The following ADGRE3 variants were observed in gnomAD, a reference collection of about 807,000 sequenced individuals.
ADGRE3 encodes the protein EGF-like module receptor 3.
In ADGRE3, 88 loss-of-function variants were observed where a neutral mutation model predicts 80.1. The observed-to-expected ratio is 1.10, with a 90% CI of 0.93 to 1.31. ADGRE3 has a LOEUF of 1.31. Ranked by LOEUF, ADGRE3 falls within the 40% of genes most tolerant of loss-of-function variation. The pLI is 0.00. For missense variants in ADGRE3, 715 were observed against 776.5 expected (o/e 0.92, Z 0.94); for synonymous variants, 281 against 294.8 (o/e 0.95, Z 0.48).
the ADGRE3 span, among the ~76,000 whole-genome samples, chr19:14,607,494 CG>C: frequency 6.6e-6 from 1 of 151,512 alleles, no homozygotes; most frequent in Non-Finnish European, 1.5e-5. Context: ...TGAGCCACCG[CG>C]CCCGGCCAGG....
chr19:14,651,793 G>A (rs1446891160), intron 6 of ADGRE3, among the ~76,000 whole-genome samples: 4 of 152,140 alleles, frequency 2.6e-5, no homozygotes, highest in Non-Finnish European at 2.9e-5. Flanking sequence ...TGTAATCCCA[G>A]CACTTTGGGA....
At chr19:14,633,338 C>T (rs763926645) in intron 11 of ADGRE3, 36 bp from the exon 12 acceptor site, 35 of 1,504,326 alleles carry the variant, frequency 2.3e-5, no homozygotes, top group Non-Finnish European at 3.0e-5. Context: ...AAAGAGAGAT[C>T]AGAGAAAGTG....
downstream of ADGRE3, among the ~76,000 whole-genome samples, chr19:14,616,149 C>G (rs1183409472): frequency 6.6e-6 from 1 of 151,954 alleles, no homozygotes; most frequent in Non-Finnish European, 1.5e-5. Flanking sequence ...CCAGGCTGGT[C>G]TTGAACTCCT....
rs541082224 is a variant in ADGRE3, at chr19:14,626,980, C to T, written c.1813-1381G>A. On this transcript the variant is annotated intron_variant, in intron 14 of 15. Coordinates refer to ENST00000253673, the MANE Select transcript of ADGRE3 (RefSeq NM_032571.5). ...CAGGCACAGTCATGGGTGTTTGCAACAAGCAACTCCAGGCATGTAGAGACA... is the reference window on the plus strand; with the variant it reads ...CAGGCACAGTCATGGGTGTTTGCAATAAGCAACTCCAGGCATGTAGAGACA... Among the ~76,000 whole-genome samples, 46 of 152,288 alleles carry T rather than the reference C, an allele frequency of 3.0e-4. No individual in the cohort carries two copies. In the South Asian group the frequency reaches 8.9e-3, roughly 29 times the overall value.
intron 14 of ADGRE3, among the ~76,000 whole-genome samples, chr19:14,629,192 G>A (rs1033239840): frequency 6.6e-6 from 1 of 152,182 alleles, no homozygotes; most frequent in African/African-American, 2.4e-5. Context: ...CCAAAGTGCT[G>A]GGATTACAGG....
At chr19:14,662,827 G>A (rs1248403996) in intron 3 of ADGRE3, among the ~76,000 whole-genome samples, 1 of 150,322 alleles carries the variant, frequency 6.7e-6, no homozygotes, top group Non-Finnish European at 1.5e-5. Flanking sequence ...AGCACTTTGG[G>A]AGGCCGAGGC....
chr19:14,617,359 T>C (rs2075085397), downstream of ADGRE3, among the ~76,000 whole-genome samples: 1 of 114,776 alleles, frequency 8.7e-6, no homozygotes, highest in African/African-American at 3.3e-5. Flanking sequence ...TCTTTCTTTC[T>C]TTCTTTCTTT....
intron 7 of ADGRE3, among the ~76,000 whole-genome samples, chr19:14,650,653 C>T (rs1034041245): frequency 3.0e-5 from 2 of 67,680 alleles, no homozygotes; most frequent in Admixed American, 1.2e-4. Context: ...CTCTCTCTCT[C>T]TCTCTCTCTC....
chr19:14,610,286 GA>G, the ADGRE3 span: 1 of 1,503,172 alleles, frequency 6.7e-7, no homozygotes, highest in Non-Finnish European at 8.9e-7. Context: ...GCCTCTTCGT[GA>G]GTGGACACAC....
intron 9 of ADGRE3, among the ~76,000 whole-genome samples, chr19:14,641,973 T>A (rs763981598): frequency 6.6e-6 from 1 of 152,172 alleles, no homozygotes; most frequent in African/African-American, 2.4e-5. Flanking sequence ...TTGATGAGTT[T>A]GGACATATGA....
Position 14,658,525 on chromosome 19 carries a change from C to T in ADGRE3, c.381G>A (p.Glu127=). The change falls in exon 5 of 16, where the codon GAG becomes GAA. Residue 127 remains glutamate (E), a synonymous_variant. Coordinates refer to ENST00000253673, the MANE Select transcript of ADGRE3 (RefSeq NM_032571.5). ...CQDTTSSKTT[E]GRKELQKIVD... ...AGCCTCCACTCACCTCTTTCCTGCC[C>T]TCGGTTGTCTTTGAGGAGGTGGTGT... The T allele has an allele frequency of 3.8e-6, 6 of 1,569,326 alleles. No individual in the cohort carries two copies. The highest frequency in any genetic ancestry group is 5.2e-6 in the Non-Finnish European group (6 of 1,157,512).
intron 1 of ADGRE3, among the ~76,000 whole-genome samples, chr19:14,673,948 A>T (rs2146920994): frequency 6.6e-6 from 1 of 152,236 alleles, no homozygotes; most frequent in South Asian, 2.1e-4. Flanking sequence ...TGTCCACATT[A>T]TTTAGCTCCC....
chr19:14,620,537 T>TATGACTATATATGAA (rs1415988959), intron 15 of ADGRE3, among the ~76,000 whole-genome samples: 3 of 18,448 alleles, frequency 1.6e-4, no homozygotes, highest in Non-Finnish European at 2.7e-4. Flanking sequence ...TATATATATT[T>TATGACTATATATGAA]TATATATATA....
chr19:14,658,466 C>A lies in ADGRE3; in HGVS notation c.393+47G>T, dbSNP rs149441896. 5.8e-4 allele frequency: 840 copies of A among 1,458,912 alleles called. 5 individuals are homozygous for A. The African/African-American group carries it at 0.011, about 19-fold the overall frequency. 90.4% of individuals were successfully genotyped at this position (1,458,912 alleles called of 1,614,324 possible). On this transcript the variant is annotated intron_variant, in intron 5 of 15. Transcript: ENST00000253673. ...CTTTGGGCTTTGTAAATATTTGTTA[C>A]TGATGTTTGTTACCTGGGAAGGGTC...
At chr19:14,657,787 G>A (rs866652663) in intron 5 of ADGRE3, among the ~76,000 whole-genome samples, 10 of 150,600 alleles carry the variant, frequency 6.6e-5, no homozygotes, top group Middle Eastern at 3.4e-3. Flanking sequence ...TTTTTGAGAC[G>A]GAGTCTTGCT....
intron 2 of ADGRE3, among the ~76,000 whole-genome samples, chr19:14,664,393 C>A (rs771013928): frequency 2.0e-5 from 3 of 151,996 alleles, no homozygotes; most frequent in Non-Finnish European, 4.4e-5. Flanking sequence ...GCCGAGATCG[C>A]GCCATTGTGA....
At chr19:14,674,364 A>C (rs1165053935) in intron 1 of ADGRE3, among the ~76,000 whole-genome samples, 1 of 151,800 alleles carries the variant, frequency 6.6e-6, no homozygotes, top group Non-Finnish European at 1.5e-5. Flanking sequence ...AGGTGTGGTG[A>C]TGTGTGCCTG....
downstream of ADGRE3, among the ~76,000 whole-genome samples, chr19:14,617,377 C>CTTTCTTTCTTCCTTT (rs1491527496): frequency 2.5e-3 from 217 of 86,334 alleles, 1 homozygote; most frequent in Non-Finnish European, 4.2e-3. Flanking sequence ...TTTCTTTCTT[C>CTTTCTTTCTTCCTTT]CTTTCTTTCT....
chr19:14,612,634 C>T, the ADGRE3 span, among the ~76,000 whole-genome samples: 2 of 152,110 alleles, frequency 1.3e-5, no homozygotes, highest in African/African-American at 4.8e-5. Flanking sequence ...TGTGCTGGGC[C>T]TACAACGACC....
Sources: allele counts gnomAD v4.1 joint callset (sites outside exome capture counted in the v4.1 genomes callset), GRCh38; gene constraint gnomAD v4.1.1; transcripts MANE v1.5; gene names NCBI Gene and HGNC (gene_info 2026-07-23, HGNC 2026-07-21).